The following MEGF11 variants were observed in gnomAD, a reference collection of about 807,000 sequenced individuals.
MEGF11 encodes multiple epidermal growth factor-like domains protein 11.
A neutral mutation model predicts 146.6 loss-of-function variants in MEGF11; 126 were observed. That is an observed-to-expected ratio of 0.86 (90% confidence interval 0.74 to 1.00). The LOEUF (loss-of-function observed/expected upper bound fraction) is 1.00. Among genes scored for constraint, MEGF11 ranks in the 50% least tolerant of loss-of-function variants. The pLI, the probability that MEGF11 is intolerant of heterozygous loss-of-function variation, is 0.00. For missense variants in MEGF11, 1,509 were observed against 1,521.2 expected, an observed-to-expected ratio of 0.99 and a Z score of 0.13; for synonymous variants, 532 against 583.4, an observed-to-expected ratio of 0.91 and a Z score of 1.27.
At position 65,898,785 on chromosome 15, in the gene MEGF11, A is replaced by AC. The variant is rs1567145648; in HGVS notation, c.3204dup (p.Ser1069ValfsTer13). The AC allele has an allele frequency of 6.2e-7, 1 of 1,613,816 alleles. No individual in the cohort carries two copies. The highest frequency in any genetic ancestry group is 1.3e-5 in the African/African-American group (1 of 74,974). ...AAGGATGGCACATCTGTGTACGGAG[A>AC]CCCCATGTGCACAGGCGACTTCATT... is the stretch of plus-strand genomic sequence containing the variant. On this transcript the variant is annotated frameshift_variant, in exon 25 of 26. Transcript: ENST00000395614. LOFTEE classifies it high-confidence loss of function.
chr15:66,247,122 T>G (rs1188782362), intron 1 of MEGF11, among the ~76,000 whole-genome samples: 1 of 152,152 alleles, frequency 6.6e-6, no homozygotes, highest in Admixed American at 6.5e-5. Context: ...GGAGTTTCAG[T>G]ATGAGCCATG....
At chr15:66,133,220 C>A (rs117091820) in intron 1 of MEGF11, among the ~76,000 whole-genome samples, 3,223 of 152,314 alleles carry the variant, frequency 0.021, 68 homozygotes, top group South Asian at 0.073. Context: ...AGACTCCTGC[C>A]TGGACCACCC....
chr15:65,907,975 C>G (rs2078680216), intron 23 of MEGF11, among the ~76,000 whole-genome samples: 1 of 152,342 alleles, frequency 6.6e-6, no homozygotes, highest in Non-Finnish European at 1.5e-5. Context: ...TGGCCTAGTT[C>G]AGAGGATACT....
At chr15:66,110,687 A>T (rs1371805461) in intron 4 of MEGF11, among the ~76,000 whole-genome samples, 1 of 152,116 alleles carries the variant, frequency 6.6e-6, no homozygotes, top group Non-Finnish European at 1.5e-5. Context: ...GACCCAAGAG[A>T]GTGGTGTCAA....
chr15:65,911,472 C>T (rs902327954), intron 21 of MEGF11, among the ~76,000 whole-genome samples: 1 of 152,250 alleles, frequency 6.6e-6, no homozygotes, highest in African/African-American at 2.4e-5. Context: ...AGTGCAGTGG[C>T]GTGATCTCAG....
intron 5 of MEGF11, among the ~76,000 whole-genome samples, chr15:66,050,654 A>G (rs923449712): frequency 6.6e-6 from 1 of 152,168 alleles, no homozygotes; most frequent in Non-Finnish European, 1.5e-5. Context: ...TAAAAGGCCC[A>G]CTCTGACAGC....
At position 65,913,806 on chromosome 15, in the gene MEGF11, G is replaced by A. The variant is rs888741321; in HGVS notation, c.2641C>T (p.Arg881Ter). 11 of 1,613,836 alleles carry A rather than the reference G, an allele frequency of 6.8e-6. No homozygotes were observed. The highest frequency in any genetic ancestry group is 1.7e-5 in the Admixed American group (1 of 60,012). Residue 881 changes from arginine (R) to a stop codon, truncating the protein, a stop_gained, in exon 20 of 26, where the codon CGA (arginine) becomes TGA (stop). Coordinates refer to ENST00000395614, the MANE Select transcript of MEGF11 (RefSeq NM_001385028.1). LOFTEE classifies it high-confidence loss of function. ...WHRRRQKEKG[R>*]DLAPRVSYTP... ...TAGGAGACACGGGGAGCCAGGTCTC[G>A]GCCCTTCTCTTTCTGCCGCCGCCGA...
chr15:66,170,730 C>T (rs1278905820), intron 1 of MEGF11, among the ~76,000 whole-genome samples: 1 of 152,156 alleles, frequency 6.6e-6, no homozygotes. Flanking sequence ...CCCCTTCCCC[C>T]ATTTGCTGTG....
At chr15:66,118,004 C>A (rs910578400) in intron 4 of MEGF11, among the ~76,000 whole-genome samples, 1 of 152,160 alleles carries the variant, frequency 6.6e-6, no homozygotes, top group Non-Finnish European at 1.5e-5. Context: ...ATCAACACAC[C>A]CACTCTGCCC....
At chr15:66,172,558 C>T (rs2090289603) in intron 1 of MEGF11, among the ~76,000 whole-genome samples, 1 of 152,200 alleles carries the variant, frequency 6.6e-6, no homozygotes, top group South Asian at 2.1e-4. Flanking sequence ...AAGATCACAG[C>T]TCCCATCAGG....
chr15:66,189,517 T>A (rs570670809), intron 1 of MEGF11, among the ~76,000 whole-genome samples: 1 of 152,268 alleles, frequency 6.6e-6, no homozygotes, highest in East Asian at 1.9e-4. Context: ...AACCCAGGCC[T>A]GGAGCCCTGC....
At chr15:66,064,712 A>G (rs1412261679) in intron 5 of MEGF11, among the ~76,000 whole-genome samples, 3 of 147,952 alleles carry the variant, frequency 2.0e-5, no homozygotes, top group Admixed American at 6.8e-5. Flanking sequence ...TTTTTTTAGT[A>G]GAGACTGGGT....
chr15:66,089,486 C>T (rs1484024544), intron 5 of MEGF11, among the ~76,000 whole-genome samples: 1 of 152,162 alleles, frequency 6.6e-6, no homozygotes, highest in Non-Finnish European at 1.5e-5. Context: ...CAGGCTCAGG[C>T]CCAAAACCAA....
rs146538311 is a variant in MEGF11 at position 66,017,947 on chromosome 15, C to T, written c.395-35459G>A. Among the ~76,000 whole-genome samples the T allele has an allele frequency of 1.2e-3, 177 of 152,208 alleles. 3 individuals are homozygous for T. The highest frequency in any genetic ancestry group is 3.8e-3 in the African/African-American group (158 of 41,502). On this transcript the variant is annotated intron_variant, in intron 5 of 25. Transcript: ENST00000395614. Reference sequence around the variant, plus strand: ...CAAGAGAGGGTTTCAGGGAAGGAGCCGCTCGCAGGGCAGGCAAAGAGCCTG... The same window carrying T: ...CAAGAGAGGGTTTCAGGGAAGGAGCTGCTCGCAGGGCAGGCAAAGAGCCTG...
At chr15:65,986,679 A>G (rs2081866707) in intron 5 of MEGF11, among the ~76,000 whole-genome samples, 1 of 152,180 alleles carries the variant, frequency 6.6e-6, no homozygotes, top group African/African-American at 2.4e-5. Flanking sequence ...GCATTCTTTC[A>G]CAGAGAATCG....
chr15:66,084,174 G>A (rs2086006558), intron 5 of MEGF11, among the ~76,000 whole-genome samples: 1 of 152,146 alleles, frequency 6.6e-6, no homozygotes. Context: ...TATGCGGTCA[G>A]TCACCGACAC....
At chr15:66,018,527 A>T (rs1374340981) in intron 5 of MEGF11, among the ~76,000 whole-genome samples, 1 of 152,168 alleles carries the variant, frequency 6.6e-6, no homozygotes, top group Non-Finnish European at 1.5e-5. Flanking sequence ...GGGAGTGGGG[A>T]CAGAAGACCC....
chr15:66,096,749 A>C (rs2086570066), intron 4 of MEGF11, among the ~76,000 whole-genome samples: 1 of 152,148 alleles, frequency 6.6e-6, no homozygotes, highest in Non-Finnish European at 1.5e-5. Flanking sequence ...CCCAATGACC[A>C]GCCTGCCCCC....
intron 19 of MEGF11, among the ~76,000 whole-genome samples, chr15:65,914,937 G>A (rs1038052342): frequency 4.6e-5 from 7 of 152,184 alleles, no homozygotes; most frequent in Non-Finnish European, 8.8e-5. Flanking sequence ...CTGTCTCAAC[G>A]TGATTCTCAC....
Sources: gnomAD v4.1 joint callset for allele counts (sites outside exome capture counted in the v4.1 genomes callset) on GRCh38, gnomAD v4.1.1 for gene constraint, MANE v1.5 for transcripts, NCBI Gene and HGNC (gene_info 2026-07-23, HGNC 2026-07-21) for gene names.